The following ATP13A4 variants were observed in gnomAD, a reference collection of about 807,000 sequenced individuals.
ATP13A4 encodes probable cation-transporting ATPase 13A4.
A neutral mutation model predicts 142.5 loss-of-function variants in ATP13A4; 114 were observed. The ratio of observed to expected loss-of-function variants is 0.80; its 90% CI spans 0.69 to 0.93. The LOEUF (loss-of-function observed/expected upper bound fraction) is 0.93, where lower values mean the gene tolerates loss of function less well. Among genes scored for constraint, ATP13A4 ranks in the 40% least tolerant of loss-of-function variants. The pLI is 0.00. For synonymous variants in ATP13A4, 488 were observed against 514.8 expected, an observed-to-expected ratio of 0.95 and a Z score of 0.70; for missense variants, 1,392 against 1,454.0, an observed-to-expected ratio of 0.96 and a Z score of 0.69.
intron 24 of ATP13A4, 83 bp downstream of exon 24, chr3:193,435,565 T>C: frequency 3.6e-6 from 4 of 1,095,992 alleles, no homozygotes; most frequent in Non-Finnish European, 4.2e-6. Context: ...TTGTACTCTT[T>C]CTTTGAGAGG....
intron 1 of ATP13A4, among the ~76,000 whole-genome samples, chr3:193,521,605 G>A (rs1314248159): frequency 2.0e-5 from 3 of 152,098 alleles, no homozygotes; most frequent in African/African-American, 7.2e-5. Flanking sequence ...CTCTAGATAC[G>A]GCTTTTGAAA....
chr3:193,541,109 C>T (rs1410226913), intron 1 of ATP13A4, among the ~76,000 whole-genome samples: 6 of 151,630 alleles, frequency 4.0e-5, no homozygotes, highest in South Asian at 4.2e-4. Context: ...ATTAGCCGGG[C>T]GTGGTGGCAG....
Position 193,402,740 on chromosome 3 carries a change from T to C in ATP13A4, c.3503A>G (p.Asn1168Ser). Residue 1168 changes from asparagine (N) to serine (S), a missense_variant, in exon 30 of 30, where the codon AAC (asparagine) becomes AGC (serine). Transcript: ENST00000342695. ...CGGCATGTCAGAGTGGGAGGTTTGG[T>C]TTAGCGGGGGCCAACTAGGGTCATT... The part of the protein sequence containing the change: ...LANDPSWPPL[N>S]QTSHSDMPEC... 1 of 1,604,704 alleles carries C rather than the reference T, an allele frequency of 6.2e-7. No individual in the cohort carries two copies. The highest frequency in any genetic ancestry group is 8.5e-7 in the Non-Finnish European group (1 of 1,171,480).
chr3:193,431,899 CA>C (rs1399517464), intron 25 of ATP13A4, among the ~76,000 whole-genome samples: 1 of 151,806 alleles, frequency 6.6e-6, no homozygotes, highest in East Asian at 1.9e-4. Context: ...GCCCAAAATT[CA>C]AATTCATGCC....
chr3:193,452,492 A>G (rs1717336142), intron 17 of ATP13A4, among the ~76,000 whole-genome samples: 1 of 151,684 alleles, frequency 6.6e-6, no homozygotes, highest in Non-Finnish European at 1.5e-5. Context: ...CATTTTACCC[A>G]TCACAAAGTG....
intron 25 of ATP13A4, chr3:193,418,818 G>A (rs1715256719): frequency 6.7e-6 from 1 of 150,258 alleles, no homozygotes; most frequent in Non-Finnish European, 1.5e-5. Flanking sequence ...ACTACTGCTG[G>A]AATGTGTCCT....
At chr3:193,437,215 T>C (rs780460012) in intron 23 of ATP13A4, among the ~76,000 whole-genome samples, 1 of 139,374 alleles carries the variant, frequency 7.2e-6, no homozygotes, top group South Asian at 2.4e-4. Context: ...CTTAGAGAGG[T>C]TCTCTAAGCA....
chr3:193,554,821 C>T lies in ATP13A4; in HGVS notation c.-22G>A. 2 of 1,613,984 alleles carry T rather than the reference C, an allele frequency of 1.2e-6. No homozygotes were observed. The highest frequency in any genetic ancestry group is 1.7e-6 in the Non-Finnish European group (2 of 1,180,024). On this transcript the variant is annotated 5_prime_UTR_variant, in exon 1 of 30. Coordinates refer to ENST00000342695, the MANE Select transcript of ATP13A4 (RefSeq NM_032279.4). ...CCATGAAAAAGTTATTCCACACCTC[C>T]TCCCTGACCTTGTCGTGCAGACGCT...
chr3:193,509,765 T>C (rs1466524132), intron 2 of ATP13A4, among the ~76,000 whole-genome samples: 2 of 152,110 alleles, frequency 1.3e-5, no homozygotes, highest in African/African-American at 2.4e-5. Context: ...GAAGGTGATA[T>C]GTGGCTGAGG....
Position 193,402,670 on chromosome 3 carries a change from G to T in ATP13A4, c.3573C>A (p.Ser1191Arg). ...GVSYSNPVFE[S>R]NEEQL ...ATGTCCTTCAGAGTTGTTCTTCATT[G>T]CTCTCAAATACTGGATTGCTGTAAG... Residue 1191 changes from serine to arginine, a missense_variant, in exon 30 of 30, where the codon AGC becomes AGA. Ser to Arg is a moderately radical substitution (Grantham distance 110). Transcript: ENST00000342695. 1 of 1,004,976 alleles carries T rather than the reference G, an allele frequency of 1.0e-6. No homozygotes were observed. Among genetic ancestry groups the T allele is most frequent in the Non-Finnish European group, 1.6e-6 (1 of 623,576 alleles). The allele number at this position is 1,004,976 out of a possible 1,614,324, so 62.3% of individuals were successfully genotyped here.
At chr3:193,440,519 C>T in intron 21 of ATP13A4, 39 bp downstream of exon 21, 1 of 1,612,974 alleles carries the variant, frequency 6.2e-7, no homozygotes, top group South Asian at 1.1e-5. Flanking sequence ...TGTTATGCCT[C>T]CATGCAGTTC....
At chr3:193,424,898 T>C (rs1020787213) in intron 25 of ATP13A4, among the ~76,000 whole-genome samples, 3 of 148,996 alleles carry the variant, frequency 2.0e-5, no homozygotes, top group Non-Finnish European at 3.0e-5. Flanking sequence ...ACCTACATAA[T>C]GGGAGAAAAT....
intron 25 of ATP13A4, among the ~76,000 whole-genome samples, chr3:193,432,587 A>C (rs887514545): frequency 6.6e-6 from 1 of 152,154 alleles, no homozygotes; most frequent in Non-Finnish European, 1.5e-5. Context: ...TCAAACTATG[A>C]AAAGACATAG....
intron 2 of ATP13A4, among the ~76,000 whole-genome samples, chr3:193,569,571 T>C (rs1240551318): frequency 1.3e-5 from 2 of 152,028 alleles, no homozygotes; most frequent in Non-Finnish European, 2.9e-5. Flanking sequence ...TGAGAGAGGG[T>C]CTCGCTCTGT....
In ATP13A4 at chr3:193,453,620, A is replaced by G. The variant is rs375610945; in HGVS notation, c.2027+481T>C. ...GAAGTTTTCCTTGTTTTTTTTGTAG[A>G]TGTCACCAAGATTATATCATCTAAG... On this transcript the variant is annotated intron_variant, in intron 17 of 29. Transcript: ENST00000342695. Among the ~76,000 whole-genome samples the G allele has an allele frequency of 2.4e-4, 37 of 152,176 alleles. No individual in the cohort carries two copies. The East Asian group carries it at 6.4e-3, about 26-fold the overall frequency.
intron 12 of ATP13A4, 79 bp downstream of exon 12, chr3:193,464,861 T>G: frequency 6.8e-7 from 1 of 1,474,594 alleles, no homozygotes; most frequent in Non-Finnish European, 9.4e-7. Context: ...TCTCCTGCCT[T>G]GCAAGGGGGT....
chr3:193,539,030 C>T (rs1403303402), intron 1 of ATP13A4, among the ~76,000 whole-genome samples: 3 of 151,826 alleles, frequency 2.0e-5, no homozygotes, highest in Non-Finnish European at 2.9e-5. Context: ...TGTGCCACCA[C>T]GCCCAGCTAA....
chr3:193,457,343 T>C, intron 15 of ATP13A4, 36 bp downstream of exon 15: 1 of 1,606,804 alleles, frequency 6.2e-7, no homozygotes, highest in South Asian at 1.1e-5. Context: ...CTCTTTGAGT[T>C]TGGGTGTTGT....
intron 21 of ATP13A4, chr3:193,440,162 C>T: frequency 7.0e-5 from 15 of 215,794 alleles, no homozygotes; most frequent in Non-Finnish European, 9.4e-5. Flanking sequence ...TATGAATATC[C>T]CTATATCATC....
Sources: gnomAD v4.1 joint callset for allele counts (sites outside exome capture counted in the v4.1 genomes callset) on GRCh38, gnomAD v4.1.1 for gene constraint, MANE v1.5 for transcripts, NCBI Gene and HGNC (gene_info 2026-07-23, HGNC 2026-07-21) for gene names.